The following CHRM2 variants were observed in gnomAD, a reference collection of about 807,000 sequenced individuals.
CHRM2 encodes cholinergic receptor muscarinic 2.
In CHRM2, 8 loss-of-function variants were observed where a neutral mutation model predicts 25.0. The ratio of observed to expected loss-of-function variants is 0.32; its 90% confidence interval spans 0.19 to 0.58. The LOEUF (loss-of-function observed/expected upper bound fraction) is 0.58. Among genes scored for constraint, CHRM2 ranks in the 20% least tolerant of loss-of-function variants. The probability of loss-of-function intolerance (pLI) is 0.88; values close to 1 mark genes in which losing one functional copy is unlikely to be tolerated. For synonymous variants in CHRM2, 202 were observed against 205.7 expected (o/e 0.98, Z 0.15); for missense variants, 440 against 567.1 (o/e 0.78, Z 2.28).
At chr7:136,970,800 G>C (rs324595) in intron 2 of CHRM2, among the ~76,000 whole-genome samples, 1 of 152,130 alleles carries the variant, frequency 6.6e-6, no homozygotes, top group African/African-American at 2.4e-5. Context: ...TTGTAACTTT[G>C]CACAGTTAAA....
chr7:136,891,597 C>T (rs547416988), intron 2 of CHRM2, among the ~76,000 whole-genome samples: 1 of 152,252 alleles, frequency 6.6e-6, no homozygotes, highest in South Asian at 2.1e-4. Context: ...TTTTCATGGC[C>T]TTCAATGCAT....
intron 2 of CHRM2, among the ~76,000 whole-genome samples, chr7:136,913,928 G>T (rs1419390199): frequency 2.6e-5 from 4 of 151,942 alleles, no homozygotes; most frequent in African/African-American, 7.2e-5. Flanking sequence ...CGGATTGACA[G>T]TACATTGTGC....
At chr7:136,918,375 T>C (rs1250096940) in intron 2 of CHRM2, among the ~76,000 whole-genome samples, 1 of 152,096 alleles carries the variant, frequency 6.6e-6, no homozygotes, top group East Asian at 1.9e-4. Context: ...TTTTGTTTCA[T>C]CTTTTCATAA....
chr7:136,995,972 G>A (rs1803573344), intron 3 of CHRM2, among the ~76,000 whole-genome samples: 1 of 151,632 alleles, frequency 6.6e-6, no homozygotes, highest in African/African-American at 2.4e-5. Flanking sequence ...TGTAAGAATA[G>A]ACAGATAAAG....
intron 2 of CHRM2, among the ~76,000 whole-genome samples, chr7:136,934,881 A>G (rs936159462): frequency 6.6e-6 from 1 of 152,076 alleles, no homozygotes. Context: ...TGTAATTGCA[A>G]AGAGGACATT....
chr7:136,943,879 C>A (rs373434934), intron 2 of CHRM2, among the ~76,000 whole-genome samples: 1 of 152,102 alleles, frequency 6.6e-6, no homozygotes, highest in East Asian at 1.9e-4. Context: ...TAATAGACTT[C>A]TTTCAGAGAG....
chr7:136,901,127 T>C (rs936311119), intron 2 of CHRM2, among the ~76,000 whole-genome samples: 7 of 152,106 alleles, frequency 4.6e-5, no homozygotes, highest in Non-Finnish European at 7.4e-5. Flanking sequence ...TAGATTGTCC[T>C]GTACAGCCCG....
intron 2 of CHRM2, among the ~76,000 whole-genome samples, chr7:136,943,559 A>G (rs1343324580): frequency 6.6e-6 from 1 of 152,172 alleles, no homozygotes; most frequent in Non-Finnish European, 1.5e-5. Context: ...TTATGCTTGT[A>G]ACGGTCGCCA....
chr7:136,905,113 C>T (rs1203470595), intron 2 of CHRM2, among the ~76,000 whole-genome samples: 1 of 151,718 alleles, frequency 6.6e-6, no homozygotes, highest in Non-Finnish European at 1.5e-5. Context: ...ATCTGAAGTG[C>T]TAGATGTTTG....
At chr7:136,956,334 T>C (rs997303581) in intron 2 of CHRM2, among the ~76,000 whole-genome samples, 2 of 152,184 alleles carry the variant, frequency 1.3e-5, no homozygotes, top group African/African-American at 4.8e-5. Context: ...TAATGTACTA[T>C]TTATTTTCTG....
At chr7:136,981,353 C>T (rs755209047) in intron 2 of CHRM2, among the ~76,000 whole-genome samples, 2 of 152,066 alleles carry the variant, frequency 1.3e-5, no homozygotes, top group Non-Finnish European at 2.9e-5. Flanking sequence ...ATTAGTCTGG[C>T]TAGCAGTTTA....
intron 2 of CHRM2, among the ~76,000 whole-genome samples, chr7:136,898,039 G>A (rs1438022285): frequency 6.6e-6 from 1 of 152,082 alleles, no homozygotes; most frequent in Non-Finnish European, 1.5e-5. Flanking sequence ...TGGCCACACA[G>A]TGATGGCAAT....
intron 2 of CHRM2, among the ~76,000 whole-genome samples, chr7:136,953,256 G>A (rs1563087020): frequency 6.6e-6 from 1 of 152,054 alleles, no homozygotes; most frequent in Non-Finnish European, 1.5e-5. Flanking sequence ...ACTGTTTAGA[G>A]ACTGAGCATC....
At position 137,018,750 on chromosome 7, in the gene CHRM2, T is replaced by A. The variant is rs1256178384; in HGVS notation, c.*2484T>A. 1 of 151,866 alleles carries A rather than the reference T, an allele frequency of 6.6e-6. No homozygotes were observed. Among genetic ancestry groups the A allele is most frequent in the African/African-American group, 2.4e-5 (1 of 41,390 alleles). The allele number at this position is 151,866 out of a possible 1,614,324, so 9.4% of individuals were successfully genotyped here. ...ACCTCATTGAAAGAGAAACTGTCAC[T>A]TTAAAGAAAGAAATTGAAGATAGGC... On this transcript the variant is annotated 3_prime_UTR_variant, in exon 4 of 4. Coordinates refer to ENST00000680005, the MANE Select transcript of CHRM2 (RefSeq NM_001006630.2).
intron 2 of CHRM2, among the ~76,000 whole-genome samples, chr7:136,883,608 A>C (rs1796349587): frequency 6.6e-6 from 1 of 152,126 alleles, no homozygotes; most frequent in South Asian, 2.1e-4. Context: ...GATTATTTTC[A>C]ATCTTAGACT....
At chr7:136,873,452 A>G (rs1157960784) in intron 2 of CHRM2, among the ~76,000 whole-genome samples, 4 of 152,238 alleles carry the variant, frequency 2.6e-5, no homozygotes, top group Non-Finnish European at 4.4e-5. Flanking sequence ...ACAGCCAGGC[A>G]TACCTAAGAA....
chr7:136,988,823 T>C (rs1803028444), intron 2 of CHRM2, among the ~76,000 whole-genome samples: 1 of 152,150 alleles, frequency 6.6e-6, no homozygotes, highest in African/African-American at 2.4e-5. Context: ...TCAAAATGGT[T>C]GAATATTGGC....
intron 2 of CHRM2, among the ~76,000 whole-genome samples, chr7:136,915,002 C>T (rs1798028755): frequency 6.6e-6 from 1 of 151,844 alleles, no homozygotes; most frequent in Non-Finnish European, 1.5e-5. Context: ...GGATAATGCA[C>T]TCAACAAAGT....
chr7:136,879,641 C>G (rs1796183711), intron 2 of CHRM2, among the ~76,000 whole-genome samples: 1 of 151,930 alleles, frequency 6.6e-6, no homozygotes, highest in Admixed American at 6.6e-5. Flanking sequence ...GGAGCTGTAA[C>G]AGGGCCCTAA....
Sources: gnomAD v4.1 joint callset for allele counts (sites outside exome capture counted in the v4.1 genomes callset) on GRCh38, gnomAD v4.1.1 for gene constraint, MANE v1.5 for transcripts, NCBI Gene and HGNC (gene_info 2026-07-23, HGNC 2026-07-21) for gene names.